Variants in TNXB observed in about 807,000 individuals in gnomAD.
The protein encoded by TNXB is tenascin-X.
Under a neutral mutation model 340.5 loss-of-function variants are expected in TNXB, and 183 were observed. The observed-to-expected ratio is 0.54, with a 90% CI of 0.48 to 0.61. The LOEUF (loss-of-function observed/expected upper bound fraction) is 0.61, where lower values mean the gene tolerates loss of function less well. TNXB is among the 20% of genes least tolerant of loss of function. The pLI, the probability that TNXB is intolerant of heterozygous loss-of-function variation, is 0.00. For synonymous variants in TNXB, 2,121 were observed against 2,314.5 expected, an observed-to-expected ratio of 0.92 and a Z score of 2.40; for missense variants, 4,613 against 5,446.4, an observed-to-expected ratio of 0.85 and a Z score of 4.82.
At position 32,081,249 on chromosome 6, in the gene TNXB, AG is replaced by A; in HGVS notation, c.4042+118del. 1 of 1,003,102 alleles carries A rather than the reference AG, an allele frequency of 1.0e-6. No homozygotes were observed. The highest frequency in any genetic ancestry group is 1.4e-6 in the Non-Finnish European group (1 of 691,450). The allele number at this position is 1,003,102 out of a possible 1,614,324, so 62.1% of individuals were successfully genotyped here. A position where few individuals can be genotyped will look rare whatever the true frequency, so the allele number is the denominator to read the frequency against. ...GAGCAGTGCGGGAGGAAGTGGGTGGAGGCTTTGGCAAAATGAGCTGAGAAGG... is the reference window on the plus strand; with the variant it reads ...GAGCAGTGCGGGAGGAAGTGGGTGGAGCTTTGGCAAAATGAGCTGAGAAGG... On this transcript the variant is annotated intron_variant, in intron 10 of 43. Coordinates refer to ENST00000644971, the MANE Select transcript of TNXB (RefSeq NM_001365276.2). This position sits in a 1 kb window ranked among gnomAD's most constrained non-coding sequence, Gnocchi z 5.1.
At chr6:32,100,050 A>G (rs528439986) in intron 1 of TNXB, among the ~76,000 whole-genome samples, 5 of 152,104 alleles carry the variant, frequency 3.3e-5, no homozygotes, top group African/African-American at 7.2e-5. Context: ...AAGTAAAGCA[A>G]TATCTTTCAT....
In TNXB at chr6:32,049,637, TG is replaced by T; in HGVS notation, c.9440-51del. ...GAGTGAGGGGGATGTCCTTGGGTCC[TG>T]GGGAAAAGGAGGGAGAAGCCAAGGC... On this transcript the variant is annotated intron_variant, in intron 27 of 43. Coordinates refer to ENST00000644971, the MANE Select transcript of TNXB (RefSeq NM_001365276.2). The surrounding 1 kb of genome is among the most constrained non-coding windows in gnomAD (Gnocchi z 4.5). 1 of 1,572,384 alleles carries T rather than the reference TG, an allele frequency of 6.4e-7. No individual in the cohort carries two copies.
In TNXB at chr6:32,062,077, A is replaced by G; in HGVS notation, c.7168+80T>C. On this transcript the variant is annotated intron_variant, in intron 20 of 43. Coordinates refer to ENST00000644971, the MANE Select transcript of TNXB (RefSeq NM_001365276.2). This position sits in a 1 kb window ranked among gnomAD's most constrained non-coding sequence, Gnocchi z 4.3. ...CTGTGGTGCTGACCAGACCCGTCCC[A>G]TTCCCCACCAGTCATCACCAAAGAG... 6.7e-7 allele frequency: 1 copy of G among 1,503,116 alleles called. No homozygotes were observed. The highest frequency in any genetic ancestry group is 9.0e-7 in the Non-Finnish European group (1 of 1,113,274). The allele number at this position is 1,503,116 out of a possible 1,614,324, so 93.1% of individuals were successfully genotyped here. A position where few individuals can be genotyped will look rare whatever the true frequency, so the allele number is the denominator to read the frequency against.
In TNXB at chr6:32,081,363, C is replaced by A; in HGVS notation, c.4042+5G>T. Reference sequence around the variant, plus strand: ...GGGGAGGGAGGCCTGGCAGCCATGACTCACCAGTCTTGGCCACCACAGACT... The same window carrying A: ...GGGGAGGGAGGCCTGGCAGCCATGAATCACCAGTCTTGGCCACCACAGACT... On this transcript the variant is annotated splice_donor_5th_base_variant and intron_variant, in intron 10 of 43. Transcript: ENST00000644971. The surrounding 1 kb of genome is among the most constrained non-coding windows in gnomAD (Gnocchi z 5.1). 2 of 1,529,462 alleles carry A rather than the reference C, an allele frequency of 1.3e-6. No homozygotes were observed. Among genetic ancestry groups the A allele is most frequent in the Non-Finnish European group, 1.8e-6 (2 of 1,131,668 alleles). The allele number at this position is 1,529,462 out of a possible 1,614,324, so 94.7% of individuals were successfully genotyped here.
chr6:32,058,081 G>C lies in TNXB; in HGVS notation c.7802C>G (p.Pro2601Arg), dbSNP rs575866552. ...YGLHEGRRLG[P>R]VSAVGVTEDE... ...ACCTGTGACGCCCACGGCAGACACC[G>C]GGCCCAGGCGCCGCCCCTCGTGGAG... is the stretch of plus-strand genomic sequence containing the variant. The change falls in exon 22 of 44, where the codon CCG becomes CGG. Residue 2601 changes from proline (P) to arginine (R), a missense_variant. Transcript: ENST00000644971. This position sits in a 1 kb window ranked among gnomAD's most constrained non-coding sequence, Gnocchi z 5.1. The C allele has an allele frequency of 4.3e-6, 7 of 1,609,686 alleles. No homozygotes were observed. The highest frequency in any genetic ancestry group is 2.2e-5 in the East Asian group (1 of 44,800).
chr6:32,055,342 T>C (rs1777560075), intron 24 of TNXB, among the ~76,000 whole-genome samples: 1 of 152,180 alleles, frequency 6.6e-6, no homozygotes, highest in Non-Finnish European at 1.5e-5. Flanking sequence ...CAGAGGACAT[T>C]GATACCCTAA....
In TNXB at chr6:32,056,746, C is replaced by T; in HGVS notation, c.7983G>A (p.Gln2661=). The T allele has an allele frequency of 2.5e-6, 4 of 1,613,328 alleles. No individual in the cohort carries two copies. Among genetic ancestry groups the T allele is most frequent in the East Asian group, 2.2e-5 (1 of 44,878 alleles). ...PEGQFDHFLV[Q]YRNGDGQPKA... ...TGGGCTGCCCATCCCCATTCCTGTACTGGACCAGGAAGTGGTCAAACTGGC... is the reference window on the plus strand; with the variant it reads ...TGGGCTGCCCATCCCCATTCCTGTATTGGACCAGGAAGTGGTCAAACTGGC... The change falls in exon 23 of 44, where the codon CAG becomes CAA. Residue 2661 remains glutamine, a synonymous_variant. Transcript: ENST00000644971.
Position 32,074,723 on chromosome 6 carries a change from C to G in TNXB, c.4376-771G>C, listed in dbSNP as rs1778983568. 6.6e-6 allele frequency among the ~76,000 whole-genome samples: 1 copy of G among 152,036 alleles called. No homozygotes were observed. Among genetic ancestry groups the G allele is most frequent in the African/African-American group, 2.4e-5 (1 of 41,392 alleles). On this transcript the variant is annotated intron_variant, in intron 11 of 43. Transcript: ENST00000644971. This position sits in a 1 kb window ranked among gnomAD's most constrained non-coding sequence, Gnocchi z 5.5. ...GAGACGGAGTTTCGCTGTTGTTGCT[C>G]AGGCTGGTGTGCGATGGCGCCCTCT...
Position 32,084,614 on chromosome 6 carries a change from A to G in TNXB, c.3244T>C (p.Trp1082Arg). The change falls in exon 8 of 44, where the codon TGG (tryptophan) becomes CGG (arginine). Residue 1082 changes from tryptophan (W) to arginine (R), a missense_variant. Coordinates refer to ENST00000644971, the MANE Select transcript of TNXB (RefSeq NM_001365276.2). This position sits in a 1 kb window ranked among gnomAD's most constrained non-coding sequence, Gnocchi z 5.5. The part of the protein sequence containing the change: ...DRTSDSLLLR[W>R]TVPEGEFDSF... ...TCAAACTCGCCCTCGGGGACCGTCC[A>G]GCGCAGGAGCAAGGAGTCGGAGGTC... 6.2e-7 allele frequency: 1 copy of G among 1,605,352 alleles called. No homozygotes were observed.
At position 32,046,248 on chromosome 6, in the gene TNXB, C is replaced by G; in HGVS notation, c.10533G>C (p.Lys3511Asn). 6.2e-7 allele frequency: 1 copy of G among 1,605,338 alleles called. No individual in the cohort carries two copies. The highest frequency in any genetic ancestry group is 8.5e-7 in the Non-Finnish European group (1 of 1,177,548). The part of the protein sequence containing the change: ...TVTVEDLEPG[K>N]KYKFLLYGLL... ...GCCCGTAGAGCAGAAACTTGTATTT[C>G]TTGCCAGGCTCCAGGTCCTCTACGG... Residue 3511 changes from lysine (K) to asparagine (N), a missense_variant, in exon 31 of 44, where the codon AAG becomes AAC. Physicochemically the swap from Lys to Asn is moderately conservative, Grantham distance 94. Coordinates refer to ENST00000644971, the MANE Select transcript of TNXB (RefSeq NM_001365276.2). This position sits in a 1 kb window ranked among gnomAD's most constrained non-coding sequence, Gnocchi z 6.9.
Position 32,069,856 on chromosome 6 carries a change from G to T in TNXB, c.5284C>A (p.Arg1762=), listed in dbSNP as rs773066620. Residue 1762 remains arginine, a synonymous_variant, in exon 15 of 44, where the codon CGG becomes AGG. Coordinates refer to ENST00000644971, the MANE Select transcript of TNXB (RefSeq NM_001365276.2). The surrounding 1 kb of genome is among the most constrained non-coding windows in gnomAD (Gnocchi z 6.2). Reference sequence around the variant, plus strand: ...GTTCCAGTATCATCCATAGCACTCCGGGCTTCTGAGATGGAGACACGGAGA... The same window carrying T: ...GTTCCAGTATCATCCATAGCACTCCTGGCTTCTGAGATGGAGACACGGAGA... ...PLTADGTTEA[R]SAMDDTGTKR... The T allele has an allele frequency of 1.0e-5, 16 of 1,585,974 alleles. No homozygotes were observed. The African/African-American group carries it at 1.5e-4, about 15-fold the overall frequency.
intron 24 of TNXB, among the ~76,000 whole-genome samples, chr6:32,055,244 C>T (rs958953841): frequency 6.6e-6 from 1 of 152,206 alleles, no homozygotes; most frequent in African/African-American, 2.4e-5. Flanking sequence ...TCTAAAGCCT[C>T]TTCCTAAGTC....
chr6:32,056,677 T>C lies in TNXB; in HGVS notation c.8052A>G (p.Ser2684=), dbSNP rs753423816. 11 of 1,613,082 alleles carry C rather than the reference T, an allele frequency of 6.8e-6. No individual in the cohort carries two copies. The highest frequency in any genetic ancestry group is 8.5e-6 in the Non-Finnish European group (10 of 1,179,860). ...TGTATTTATGGTCTGGCTCCAGGCC[T>C]GAGATGGTGACCCCGTCCTCGTGCC... ...VPGHEDGVTI[S]GLEPDHKYKM... is the part of the protein sequence containing the mutation. Residue 2684 remains serine (S), a synonymous_variant, in exon 23 of 44, where the codon TCA becomes TCG. Coordinates refer to ENST00000644971, the MANE Select transcript of TNXB (RefSeq NM_001365276.2).
chr6:32,065,928 G>A (rs1236534677), intron 18 of TNXB, among the ~76,000 whole-genome samples: 7 of 152,082 alleles, frequency 4.6e-5, no homozygotes, highest in African/African-American at 1.7e-4. Flanking sequence ...GGGATTACAA[G>A]CGTGAACCAC....
chr6:32,081,550 G>T lies in TNXB; in HGVS notation c.3860C>A (p.Pro1287His). The T allele has an allele frequency of 6.2e-7, 1 of 1,604,464 alleles. No individual in the cohort carries two copies. The highest frequency in any genetic ancestry group is 8.5e-7 in the Non-Finnish European group (1 of 1,175,782). The change falls in exon 10 of 44, where the codon CCC (proline) becomes CAC (histidine). Residue 1287 changes from proline to histidine, a missense_variant. By Grantham distance (77) the Pro-to-His change is moderately conservative. This residue lies in a region of TNXB where 4,327 missense variants were observed against 4,859.4 expected (regional missense o/e 0.89). Coordinates refer to ENST00000644971, the MANE Select transcript of TNXB (RefSeq NM_001365276.2). The surrounding 1 kb of genome is among the most constrained non-coding windows in gnomAD (Gnocchi z 5.1). ...GTACTGGACCATGAATGAGTCGAAG[G>T]GGCCCTGGGCCACTGTCCATGAGAG... ...LRLSWTVAQG[P>H]FDSFMVQYKD...
chr6:32,107,789 C>T (rs1388939930), intron 1 of TNXB, among the ~76,000 whole-genome samples: 1 of 151,918 alleles, frequency 6.6e-6, no homozygotes, highest in African/African-American at 2.4e-5. Flanking sequence ...CTGGTCCTGC[C>T]CCCATGCCTC....
rs1778586802 is a variant in TNXB at position 32,069,049 on chromosome 6, G to C, written c.5675C>G (p.Ala1892Gly). 7 of 1,612,832 alleles carry C rather than the reference G, an allele frequency of 4.3e-6. No individual in the cohort carries two copies. Among genetic ancestry groups the C allele is most frequent in the Non-Finnish European group, 5.9e-6 (7 of 1,179,858 alleles). Residue 1892 changes from alanine (A) to glycine (G), a missense_variant, in exon 16 of 44, where the codon GCC (alanine) becomes GGC (glycine). Transcript: ENST00000644971. The surrounding 1 kb of genome is among the most constrained non-coding windows in gnomAD (Gnocchi z 6.2). The stretch of plus-strand genomic sequence containing the variant: ...GGAGAGATGCAGGGTGTGTGACGTG[G>C]CCTCCTCCACTGTCAACTCCCCGAG... ...PHLGELTVEEATSHTLHLSWM... is the reference protein window; with the variant it reads ...PHLGELTVEEGTSHTLHLSWM...
rs1779387153 is a variant in TNXB at position 32,080,857 on chromosome 6, G to C, written c.4042+511C>G. Among the ~76,000 whole-genome samples, 1 of 152,182 alleles carries C rather than the reference G, an allele frequency of 6.6e-6. No individual in the cohort carries two copies. Among genetic ancestry groups the C allele is most frequent in the Admixed American group, 6.5e-5 (1 of 15,274 alleles). Reference sequence around the variant, plus strand: ...AAGGGGGCTGGGAGTCAAGGAGTCGGGAGCTGAGAGGAGTCCTCTTCATGC... The same window carrying C: ...AAGGGGGCTGGGAGTCAAGGAGTCGCGAGCTGAGAGGAGTCCTCTTCATGC... On this transcript the variant is annotated intron_variant, in intron 10 of 43. Coordinates refer to ENST00000644971, the MANE Select transcript of TNXB (RefSeq NM_001365276.2). This position sits in a 1 kb window ranked among gnomAD's most constrained non-coding sequence, Gnocchi z 4.3.
rs547169479 is a variant in TNXB, at chr6:32,046,292, C to A, written c.10489G>T (p.Ala3497Ser). 22 of 1,606,622 alleles carry A rather than the reference C, an allele frequency of 1.4e-5. No individual in the cohort carries two copies. The highest frequency in any genetic ancestry group is 1.6e-5 in the Non-Finnish European group (19 of 1,178,130). Residue 3497 changes from alanine to serine, a missense_variant, in exon 31 of 44, where the codon GCA becomes TCA. This residue lies in a region of TNXB where 4,327 missense variants were observed against 4,859.4 expected (regional missense o/e 0.89). Transcript: ENST00000644971. This position sits in a 1 kb window ranked among gnomAD's most constrained non-coding sequence, Gnocchi z 6.9. The stretch of plus-strand genomic sequence containing the variant: ...TCTACGGTGACTGTGCGCTGGTCTG[C>A]GGCCACAGGCACTGCCCTGGGCTGC... ...DGQPRAVPVA[A>S]DQRTVTVEDL... is the part of the protein sequence containing the mutation.
Sources: gnomAD v4.1 joint callset for allele counts (sites outside exome capture counted in the v4.1 genomes callset) on GRCh38, gnomAD v4.1.1 for gene constraint, gnomAD v4.1.1 regional missense constraint, Gnocchi (gnomAD v3.1) non-coding constraint, MANE v1.5 for transcripts, NCBI Gene and HGNC (gene_info 2026-07-23, HGNC 2026-07-21) for gene names.